The following ADGRL3 variants were observed in gnomAD, a reference collection of about 807,000 sequenced individuals.
The protein encoded by ADGRL3 is calcium-independent alpha-latrotoxin receptor 3.
A neutral mutation model predicts 153.5 loss-of-function variants in ADGRL3; 62 were observed. The ratio of observed to expected loss-of-function variants is 0.40; its 90% CI spans 0.33 to 0.50. The LOEUF is 0.50. ADGRL3 is among the 20% of genes least tolerant of loss of function. ADGRL3 has a pLI of 0.47. For missense variants in ADGRL3, 1,641 were observed against 1,859.4 expected (o/e 0.88, Z 2.16); for synonymous variants, 710 against 672.5 (o/e 1.06, Z -0.86).
chr4:62,043,328 A>C (rs1729392117), intron 24 of ADGRL3, among the ~76,000 whole-genome samples: 1 of 152,060 alleles, frequency 6.6e-6, no homozygotes, highest in African/African-American at 2.4e-5. Context: ...TTTTTAATTA[A>C]TTAATTAACC....
In ADGRL3 at chr4:61,776,026, G is replaced by C. The variant is rs866491611; in HGVS notation, c.1400-37783G>C. Among the ~76,000 whole-genome samples the C allele has an allele frequency of 2.6e-5, 4 of 151,772 alleles. No individual in the cohort carries two copies. The East Asian group carries it at 7.7e-4, about 29-fold the overall frequency. ...TGCCATTCTCCTGTCTCGGCCTCCC[G>C]AGTAGCTGGGACTCCAGGCGCCCGC... is the stretch of plus-strand genomic sequence containing the variant. On this transcript the variant is annotated intron_variant, in intron 8 of 26. Transcript: ENST00000683033.
At chr4:61,359,422 C>G (rs1328851675) in intron 1 of ADGRL3, among the ~76,000 whole-genome samples, 2 of 152,144 alleles carry the variant, frequency 1.3e-5, no homozygotes, top group African/African-American at 2.4e-5. Context: ...CCCTTGTTGG[C>G]TGTCTGATCC....
Position 61,779,088 on chromosome 4 carries a change from T to C in ADGRL3, c.1400-34721T>C, listed in dbSNP as rs75819402. The stretch of plus-strand genomic sequence containing the variant: ...AAAAAAAAATCACTTGTAGAGGAAA[T>C]ATTAGAATGTTTTACTACAATGTTA... On this transcript the variant is annotated intron_variant, in intron 8 of 26. Transcript: ENST00000683033. Among the ~76,000 whole-genome samples, 5 of 151,836 alleles carry C rather than the reference T, an allele frequency of 3.3e-5. No homozygotes were observed. In the East Asian group the frequency reaches 9.7e-4, roughly 30 times the overall value.
At chr4:61,309,243 A>T (rs1453602359) in intron 1 of ADGRL3, among the ~76,000 whole-genome samples, 1 of 152,158 alleles carries the variant, frequency 6.6e-6, no homozygotes, top group African/African-American at 2.4e-5. Context: ...TTTGTCTACT[A>T]TGTGGTTCAA....
intron 1 of ADGRL3, among the ~76,000 whole-genome samples, chr4:61,263,454 G>T (rs1295531152): frequency 7.1e-6 from 1 of 140,838 alleles, no homozygotes; most frequent in Non-Finnish European, 1.5e-5. Flanking sequence ...TGCATAGAGT[G>T]CATTTGAAAA....
chr4:61,395,275 A>G (rs1296108060), intron 2 of ADGRL3, among the ~76,000 whole-genome samples: 1 of 152,016 alleles, frequency 6.6e-6, no homozygotes, highest in African/African-American at 2.4e-5. Flanking sequence ...TGCAGCAGTA[A>G]TTCCCTATGA....
chr4:61,322,726 CA>C (rs2095385752), intron 1 of ADGRL3, among the ~76,000 whole-genome samples: 1 of 152,212 alleles, frequency 6.6e-6, no homozygotes, highest in Non-Finnish European at 1.5e-5. Context: ...GGGGCAGCTC[CA>C]CCCCTGTGGC....
chr4:61,233,000 C>T (rs764897050), intron 1 of ADGRL3, among the ~76,000 whole-genome samples: 47 of 152,230 alleles, frequency 3.1e-4, no homozygotes, highest in African/African-American at 9.6e-4. Context: ...GACTCTATAA[C>T]GTAGTTCTGT....
At chr4:61,532,355 C>T (rs1341359968) in intron 4 of ADGRL3, among the ~76,000 whole-genome samples, 1 of 152,050 alleles carries the variant, frequency 6.6e-6, no homozygotes, top group African/African-American at 2.4e-5. Context: ...TTACAATTAG[C>T]TGCTCAACAG....
At chr4:61,223,654 T>A (rs1387600585) in intron 1 of ADGRL3, among the ~76,000 whole-genome samples, 1 of 152,216 alleles carries the variant, frequency 6.6e-6, no homozygotes, top group African/African-American at 2.4e-5. Context: ...TCTCTAATGT[T>A]GAGGGTGTGT....
At chr4:61,539,134 T>A (rs1278741151) in intron 4 of ADGRL3, among the ~76,000 whole-genome samples, 2 of 152,182 alleles carry the variant, frequency 1.3e-5, no homozygotes, top group East Asian at 3.9e-4. Flanking sequence ...TGTCACCCCC[T>A]ACACAAGCTA....
At chr4:61,560,254 C>T (rs1233110362) in intron 4 of ADGRL3, among the ~76,000 whole-genome samples, 1 of 151,986 alleles carries the variant, frequency 6.6e-6, no homozygotes, top group Non-Finnish European at 1.5e-5. Flanking sequence ...TAATGATTAG[C>T]TTGTAATATG....
chr4:61,417,192 A>G (rs1560597737), intron 2 of ADGRL3, among the ~76,000 whole-genome samples: 1 of 152,114 alleles, frequency 6.6e-6, no homozygotes, highest in Non-Finnish European at 1.5e-5. Context: ...GGATCCCTGC[A>G]TTAAATAATT....
chr4:61,256,046 C>T (rs2091930669), intron 1 of ADGRL3, among the ~76,000 whole-genome samples: 1 of 152,154 alleles, frequency 6.6e-6, no homozygotes, highest in African/African-American at 2.4e-5. Flanking sequence ...CACGTCCTTT[C>T]AAAAAATATG....
chr4:61,235,516 G>A (rs1157869606), intron 1 of ADGRL3, among the ~76,000 whole-genome samples: 3 of 152,162 alleles, frequency 2.0e-5, no homozygotes, highest in Admixed American at 6.6e-5. Context: ...TACAAATCCC[G>A]TAAACAATGA....
intron 21 of ADGRL3, among the ~76,000 whole-genome samples, chr4:62,014,784 A>G (rs1007197321): frequency 1.3e-5 from 2 of 152,194 alleles, no homozygotes; most frequent in Non-Finnish European, 2.9e-5. Flanking sequence ...ACTGATTAGC[A>G]AATTAATCAC....
At chr4:62,030,955 T>G (rs1303918355) in intron 22 of ADGRL3, among the ~76,000 whole-genome samples, 3 of 151,536 alleles carry the variant, frequency 2.0e-5, no homozygotes, top group African/African-American at 7.3e-5. Flanking sequence ...TATTTCCTCC[T>G]AATACGAGTT....
intron 5 of ADGRL3, among the ~76,000 whole-genome samples, chr4:61,614,153 C>T (rs952248818): frequency 3.9e-5 from 6 of 152,024 alleles, no homozygotes; most frequent in Non-Finnish European, 7.4e-5. Context: ...CAATTACCAG[C>T]CAGCACAGAA....
chr4:61,404,398 G>A (rs1029976197), intron 2 of ADGRL3, among the ~76,000 whole-genome samples: 1 of 152,068 alleles, frequency 6.6e-6, no homozygotes, highest in African/African-American at 2.4e-5. Flanking sequence ...GTTACTCTGA[G>A]GAAGACTAGT....
Sources: allele counts gnomAD v4.1 joint callset (sites outside exome capture counted in the v4.1 genomes callset), GRCh38; gene constraint gnomAD v4.1.1; transcripts MANE v1.5; gene names NCBI Gene and HGNC (gene_info 2026-07-23, HGNC 2026-07-21).